Variants in SRGAP2 observed in about 807,000 individuals in gnomAD.
The protein encoded by SRGAP2 is SLIT-ROBO Rho GTPase-activating protein 2.
A neutral mutation model predicts 57.2 loss-of-function variants in SRGAP2; 15 were observed. The observed-to-expected ratio is 0.26, with a 90% confidence interval of 0.18 to 0.40. SRGAP2 has a LOEUF of 0.40. Ranked by LOEUF, SRGAP2 falls within the 10% of genes least tolerant of loss-of-function variation. The pLI is 1.00. For synonymous variants in SRGAP2, 249 were observed against 248.0 expected (o/e 1.00, Z -0.04); for missense variants, 520 against 669.6 (o/e 0.78, Z 2.47).
intron 2 of SRGAP2, among the ~76,000 whole-genome samples, chr1:206,284,663 G>C: frequency 6.6e-6 from 1 of 152,160 alleles, no homozygotes; most frequent in South Asian, 2.1e-4. Context: ...TGGCCAGGCT[G>C]GTCTGGAACT....
At chr1:206,457,678 G>A (rs929202650) in intron 21 of SRGAP2, among the ~76,000 whole-genome samples, 1 of 152,204 alleles carries the variant, frequency 6.6e-6, no homozygotes, top group Non-Finnish European at 1.5e-5. Context: ...GAAGACCTCA[G>A]CAGTGAACAG....
chr1:206,356,842 A>G (rs1345692890), intron 4 of SRGAP2, among the ~76,000 whole-genome samples: 1 of 141,800 alleles, frequency 7.1e-6, no homozygotes, highest in Non-Finnish European at 1.5e-5. Context: ...ACTAGATCCT[A>G]CCTTTCTTTG....
chr1:206,394,081 C>T (rs2987931), intron 7 of SRGAP2, among the ~76,000 whole-genome samples: 16 of 110,774 alleles, frequency 1.4e-4, no homozygotes, highest in African/African-American at 6.0e-4. Context: ...GAGTCTTGCT[C>T]TGTCCCCCAG....
intron 3 of SRGAP2, among the ~76,000 whole-genome samples, chr1:206,307,573 G>A (rs1449804421): frequency 6.6e-6 from 1 of 152,208 alleles, no homozygotes; most frequent in Non-Finnish European, 1.5e-5. Flanking sequence ...AGACATGGCG[G>A]GCTGCAGGTC....
intron 4 of SRGAP2, among the ~76,000 whole-genome samples, chr1:206,359,787 G>A (rs1676743532): frequency 6.9e-6 from 1 of 145,084 alleles, no homozygotes; most frequent in Admixed American, 6.9e-5. Context: ...TGGGGTACAA[G>A]GGATATTGCT....
intron 18 of SRGAP2, among the ~76,000 whole-genome samples, chr1:206,449,896 TATCTTCAGTATATAG>T (rs1329815185): frequency 6.6e-6 from 1 of 152,224 alleles, no homozygotes; most frequent in African/African-American, 2.4e-5. Flanking sequence ...TATAGATCTT[TATCTTCAGTATATAG>T]ATGAGGCAGC....
At chr1:206,423,949 A>ATTTTTTTT (rs782243765) in intron 13 of SRGAP2, among the ~76,000 whole-genome samples, 114 of 87,580 alleles carry the variant, frequency 1.3e-3, no homozygotes, top group Middle Eastern at 6.8e-3. Flanking sequence ...TAATTTATGT[A>ATTTTTTTT]TTTTTTTTTT....
intron 2 of SRGAP2, among the ~76,000 whole-genome samples, chr1:206,274,484 A>G: frequency 6.9e-6 from 1 of 145,804 alleles, no homozygotes; most frequent in Non-Finnish European, 1.5e-5. Flanking sequence ...AAAATAAAAA[A>G]TTCACCGGGT....
intron 10 of SRGAP2, among the ~76,000 whole-genome samples, chr1:206,415,274 T>G (rs1270712352): frequency 6.6e-6 from 1 of 152,226 alleles, no homozygotes; most frequent in Non-Finnish European, 1.5e-5. Flanking sequence ...AAACTTCATC[T>G]TGTATTTAGA....
chr1:206,386,159 CA>C (rs1322182250), intron 5 of SRGAP2, among the ~76,000 whole-genome samples: 1 of 152,114 alleles, frequency 6.6e-6, no homozygotes, highest in Non-Finnish European at 1.5e-5. Flanking sequence ...ATCTAGAGGC[CA>C]GGGGTGCTGC....
At chr1:206,387,177 C>G (rs1656386436) in intron 5 of SRGAP2, among the ~76,000 whole-genome samples, 1 of 147,550 alleles carries the variant, frequency 6.8e-6, no homozygotes, top group African/African-American at 2.5e-5. Flanking sequence ...ATTATTTCTT[C>G]TGGAGATTAA....
At chr1:206,383,495 C>T (rs1432273641) in intron 4 of SRGAP2, among the ~76,000 whole-genome samples, 1 of 152,150 alleles carries the variant, frequency 6.6e-6, no homozygotes, top group African/African-American at 2.4e-5. Flanking sequence ...TGAGATACCG[C>T]TGCCTTGTGA....
intron 4 of SRGAP2, among the ~76,000 whole-genome samples, chr1:206,371,932 C>A (rs1271188943): frequency 1.2e-5 from 1 of 82,220 alleles, no homozygotes; most frequent in Admixed American, 1.2e-4. Flanking sequence ...ATCCTCCCAC[C>A]TCAGCGTCCC....
At chr1:206,237,048 G>A (rs1667947805) in intron 2 of SRGAP2, among the ~76,000 whole-genome samples, 5 of 146,784 alleles carry the variant, frequency 3.4e-5, no homozygotes. Flanking sequence ...TTAAAAATAT[G>A]TAAATGCCAG....
chr1:206,373,753 C>G (rs1267421501), intron 4 of SRGAP2, among the ~76,000 whole-genome samples: 1 of 100,286 alleles, frequency 1.0e-5, no homozygotes, highest in African/African-American at 4.0e-5. Flanking sequence ...GAGAGAGAGA[C>G]ATTTCCTAGT....
intron 3 of SRGAP2, among the ~76,000 whole-genome samples, chr1:206,333,795 T>G (rs1674564833): frequency 6.6e-6 from 1 of 152,356 alleles, no homozygotes; most frequent in South Asian, 2.1e-4. Flanking sequence ...AAGCCTAGAC[T>G]CTGGGTCTTA....
intron 2 of SRGAP2, among the ~76,000 whole-genome samples, chr1:206,290,755 G>A (rs1371184680): frequency 5.5e-4 from 83 of 151,770 alleles, no homozygotes; most frequent in East Asian, 3.5e-3. Context: ...ACTCTGTGAG[G>A]TAGATACTGT....
chr1:206,439,211 G>C (rs910849037), intron 16 of SRGAP2, among the ~76,000 whole-genome samples: 1 of 152,140 alleles, frequency 6.6e-6, no homozygotes, highest in Admixed American at 6.5e-5. Context: ...GAAAATGGCA[G>C]TGTTTACATG....
chr1:206,369,043 CATTTTTCATCATG>C (rs1553342158), intron 4 of SRGAP2, among the ~76,000 whole-genome samples: 1 of 152,194 alleles, frequency 6.6e-6, no homozygotes, highest in Non-Finnish European at 1.5e-5. Context: ...TATCTCTCAT[CATTTTTCATCATG>C]ATGTTTGGCA....
Sources: gnomAD v4.1 joint callset for allele counts (sites outside exome capture counted in the v4.1 genomes callset) on GRCh38, gnomAD v4.1.1 for gene constraint, MANE v1.5 for transcripts, NCBI Gene and HGNC (gene_info 2026-07-23, HGNC 2026-07-21) for gene names.